The following SRGAP2 variants were observed in gnomAD, a reference collection of about 807,000 sequenced individuals.
The protein encoded by SRGAP2 is SLIT-ROBO Rho GTPase activating protein 2, also known as SLIT-ROBO Rho GTPase-activating protein 2.
Under a neutral mutation model 57.2 loss-of-function variants are expected in SRGAP2, and 15 were observed. The ratio of observed to expected loss-of-function variants is 0.26; its 90% confidence interval spans 0.18 to 0.40. The LOEUF is 0.40. Ranked by LOEUF, SRGAP2 falls within the 10% of genes least tolerant of loss-of-function variation. SRGAP2 has a pLI of 1.00. For missense variants in SRGAP2, 520 were observed against 669.6 expected, an observed-to-expected ratio of 0.78 and a Z score of 2.47; for synonymous variants, 249 against 248.0, an observed-to-expected ratio of 1.00 and a Z score of -0.04.
chr1:206,206,276 T>G, intron 2 of SRGAP2: 1 of 480,790 alleles, frequency 2.1e-6, no homozygotes, highest in South Asian at 2.8e-5. Flanking sequence ...GGGCTGACCA[T>G]GATTTTGGCA....
intron 19 of SRGAP2, among the ~76,000 whole-genome samples, chr1:206,452,910 T>G (rs11322684): frequency 0.34 from 44,599 of 130,784 alleles, 8,457 homozygotes; most frequent in African/African-American, 0.51. Flanking sequence ...AAAAAAAAAA[T>G]GGGATGCTTG....
chr1:206,259,811 G>A (rs1669436688), intron 2 of SRGAP2, among the ~76,000 whole-genome samples: 1 of 137,994 alleles, frequency 7.2e-6, no homozygotes. Context: ...TAAATATTGT[G>A]GGTTCTTTTA....
intron 13 of SRGAP2, among the ~76,000 whole-genome samples, chr1:206,425,526 TTTTTG>T (rs35034576): frequency 3.3e-5 from 5 of 152,244 alleles, no homozygotes; most frequent in East Asian, 1.9e-4. Flanking sequence ...CCTCACTTTT[TTTTTG>T]TTTTGTTTTG....
At chr1:206,429,596 T>A (rs1421297896) in intron 13 of SRGAP2, among the ~76,000 whole-genome samples, 19 of 152,244 alleles carry the variant, frequency 1.2e-4, no homozygotes, top group African/African-American at 4.3e-4. Context: ...CCAGCATAGC[T>A]GTAGCAGAAG....
At chr1:206,320,402 GA>G in intron 3 of SRGAP2, among the ~76,000 whole-genome samples, 1 of 84,486 alleles carries the variant, frequency 1.2e-5, no homozygotes, top group Non-Finnish European at 2.3e-5. Flanking sequence ...TGAGGAGACA[GA>G]ATTGTTGGGT....
intron 4 of SRGAP2, among the ~76,000 whole-genome samples, chr1:206,356,933 G>T (rs1281589476): frequency 1.4e-5 from 2 of 141,260 alleles, no homozygotes. Context: ...AAATCATTTG[G>T]GTCTACATCC....
intron 10 of SRGAP2, among the ~76,000 whole-genome samples, chr1:206,411,662 T>G (rs1553359653): frequency 6.6e-6 from 1 of 152,214 alleles, no homozygotes; most frequent in African/African-American, 2.4e-5. Flanking sequence ...AGTGGATACT[T>G]AGGGTCTTGG....
chr1:206,312,154 G>A (rs1438040354), intron 3 of SRGAP2: 1 of 151,790 alleles, frequency 6.6e-6, no homozygotes, highest in Admixed American at 6.6e-5. Context: ...CCATGAATTT[G>A]TCTTCCTGTA....
At chr1:206,410,655 G>A (rs1659137327) in intron 10 of SRGAP2, among the ~76,000 whole-genome samples, 4 of 152,160 alleles carry the variant, frequency 2.6e-5, no homozygotes, top group Admixed American at 2.6e-4. Flanking sequence ...CACTTATACA[G>A]TTCTTCACTT....
intron 13 of SRGAP2, among the ~76,000 whole-genome samples, chr1:206,429,665 G>C (rs1334165667): frequency 2.0e-5 from 3 of 152,366 alleles, no homozygotes; most frequent in East Asian, 3.9e-4. Flanking sequence ...GGCATGCAAG[G>C]CCGTGTAAGA....
chr1:206,451,259 T>C (rs897930288), intron 19 of SRGAP2, among the ~76,000 whole-genome samples: 2 of 151,868 alleles, frequency 1.3e-5, no homozygotes, highest in African/African-American at 4.8e-5. Flanking sequence ...CTGGAAAAAC[T>C]GACCCTTTCC....
intron 2 of SRGAP2, among the ~76,000 whole-genome samples, chr1:206,278,705 G>A: frequency 6.7e-6 from 1 of 149,518 alleles, no homozygotes; most frequent in Non-Finnish European, 1.5e-5. Context: ...TTTAGATGAG[G>A]CCTCATGGAA....
At chr1:206,309,009 C>CA (rs1672422342) in intron 3 of SRGAP2, among the ~76,000 whole-genome samples, 2 of 139,636 alleles carry the variant, frequency 1.4e-5, no homozygotes, top group African/African-American at 5.6e-5. Flanking sequence ...CCCATCTCTA[C>CA]AAAAAATAAA....
chr1:206,456,348 C>T (rs1553378445), intron 21 of SRGAP2, among the ~76,000 whole-genome samples: 1 of 152,136 alleles, frequency 6.6e-6, no homozygotes. Context: ...TTCTGTTTCC[C>T]TCCAGCACAC....
In SRGAP2 at chr1:206,339,871, C is replaced by T. The variant is rs555991682; in HGVS notation, c.261-2975C>T. On this transcript the variant is annotated intron_variant, in intron 3 of 22. Transcript: ENST00000573034. The stretch of plus-strand genomic sequence containing the variant: ...GTGGCATGATCTCAGCTCACTGCAA[C>T]CTCTGCCTCCAGGGTTCAAGTGATT... 1.7e-3 allele frequency among the ~76,000 whole-genome samples: 264 copies of T among 151,334 alleles called. 2 individuals carry two copies. Among genetic ancestry groups the T allele is most frequent in the South Asian group, 0.01 (49 of 4,770 alleles).
rs1350544170 is a variant in SRGAP2 at position 206,462,356 on chromosome 1, T to C, written c.*936T>C. ...TGTATAAGACAGTTTTATAGCTGGT[T>C]CCTTTTAGGGTAAAGAGTCTTAAGA... On this transcript the variant is annotated 3_prime_UTR_variant, in exon 23 of 23. Coordinates refer to ENST00000573034, the MANE Select transcript of SRGAP2 (RefSeq NM_015326.5). 1.3e-5 allele frequency: 2 copies of C among 152,662 alleles called. No homozygotes were observed. Among genetic ancestry groups the C allele is most frequent in the African/African-American group, 4.8e-5 (2 of 41,460 alleles). 9.5% of individuals were successfully genotyped at this position (152,662 alleles called of 1,614,324 possible).
At chr1:206,373,075 TC>T (rs1306458258) in intron 4 of SRGAP2, among the ~76,000 whole-genome samples, 15 of 138,770 alleles carry the variant, frequency 1.1e-4, no homozygotes, top group African/African-American at 4.0e-4. Flanking sequence ...CCCCCCCACT[TC>T]TTTCTTTCTG....
intron 2 of SRGAP2, among the ~76,000 whole-genome samples, chr1:206,210,873 C>T (rs1249908039): frequency 6.6e-6 from 1 of 151,638 alleles, no homozygotes; most frequent in Non-Finnish European, 1.5e-5. Context: ...ATTGAGGGCT[C>T]CTGTCCCTTG....
intron 22 of SRGAP2, among the ~76,000 whole-genome samples, chr1:206,459,269 C>G (rs1240322719): frequency 6.6e-6 from 1 of 152,112 alleles, no homozygotes; most frequent in East Asian, 1.9e-4. Flanking sequence ...GTCTAAAGAC[C>G]TTGGTAGACT....
Sources: allele counts gnomAD v4.1 joint callset (sites outside exome capture counted in the v4.1 genomes callset), GRCh38; gene constraint gnomAD v4.1.1; transcripts MANE v1.5; gene names NCBI Gene and HGNC (gene_info 2026-07-23, HGNC 2026-07-21).